Variants in NCOA1 observed in about 807,000 individuals in gnomAD.
NCOA1 encodes Hin-2 protein.
Under a neutral mutation model 150.9 loss-of-function variants are expected in NCOA1, and 35 were observed. The ratio of observed to expected loss-of-function variants is 0.23; its 90% CI spans 0.18 to 0.31. NCOA1 has a LOEUF of 0.31. Among genes scored for constraint, NCOA1 ranks in the 10% least tolerant of loss-of-function variants. The pLI, the probability that NCOA1 is intolerant of heterozygous loss-of-function variation, is 1.00. For synonymous variants in NCOA1, 590 were observed against 630.0 expected (o/e 0.94, Z 0.95); for missense variants, 1,491 against 1,749.3 (o/e 0.85, Z 2.63).
At chr2:24,717,953 A>T (rs115485288) in intron 14 of NCOA1, among the ~76,000 whole-genome samples, 1 of 150,778 alleles carries the variant, frequency 6.6e-6, no homozygotes, top group South Asian at 2.1e-4. Flanking sequence ...CTGGAGTGCA[A>T]TGGCATGATT....
chr2:24,761,870 G>C (rs750847893), intron 21 of NCOA1, among the ~76,000 whole-genome samples: 3 of 152,194 alleles, frequency 2.0e-5, no homozygotes, highest in Non-Finnish European at 4.4e-5. Context: ...CATGAATTAC[G>C]ATGTTTTCCA....
rs1662967975 is a variant in NCOA1, at chr2:24,491,720, T to TTTCTCCCGCTCCATCC, written c.-396+120_-396+135dup. The stretch of plus-strand genomic sequence containing the variant: ...GGCGCCCCTCCGCCCCCTGCTCTCC[T>TTTCTCCCGCTCCATCC]TTCTCCCGCTCCATCCTCCTCCCAC... On this transcript the variant is annotated intron_variant, in intron 1 of 22. Transcript: ENST00000348332. Among the ~76,000 whole-genome samples the TTTCTCCCGCTCCATCC allele has an allele frequency of 2.7e-5, 4 of 150,892 alleles. No individual in the cohort carries two copies. In the South Asian group the frequency reaches 8.3e-4, roughly 31 times the overall value.
At chr2:24,564,545 C>T (rs140371656) in intron 2 of NCOA1, 115 bp downstream of exon 2, 1 of 152,336 alleles carries the variant, frequency 6.6e-6, no homozygotes, top group African/African-American at 2.4e-5. Flanking sequence ...GAATGCTTAG[C>T]TCTTAGAGAA....
intron 18 of NCOA1, among the ~76,000 whole-genome samples, chr2:24,741,224 T>C (rs940379111): frequency 6.6e-6 from 1 of 152,028 alleles, no homozygotes; most frequent in Non-Finnish European, 1.5e-5. Context: ...AAAAGTATAA[T>C]GAAAATTAAA....
At chr2:24,582,634 C>T (rs1421355320) in intron 2 of NCOA1, among the ~76,000 whole-genome samples, 2 of 152,074 alleles carry the variant, frequency 1.3e-5, no homozygotes, top group Non-Finnish European at 2.9e-5. Flanking sequence ...CCACAGACGA[C>T]CCCAAATAGG....
At chr2:24,520,242 C>T (rs1189166634) in intron 1 of NCOA1, among the ~76,000 whole-genome samples, 2 of 152,106 alleles carry the variant, frequency 1.3e-5, no homozygotes, top group Non-Finnish European at 2.9e-5. Flanking sequence ...CCATTCTACT[C>T]TTAAGCAATT....
chr2:24,588,772 GTTAATC>G (rs1486086628), intron 3 of NCOA1, among the ~76,000 whole-genome samples: 2 of 152,132 alleles, frequency 1.3e-5, no homozygotes, highest in African/African-American at 4.8e-5. Context: ...AATGTCCACT[GTTAATC>G]TTAAGGTGAT....
intron 1 of NCOA1, among the ~76,000 whole-genome samples, chr2:24,500,433 C>T (rs375563258): frequency 7.9e-5 from 12 of 152,268 alleles, no homozygotes; most frequent in African/African-American, 1.7e-4. Flanking sequence ...TTAAATTATC[C>T]GCAAAATGGA....
intron 2 of NCOA1, among the ~76,000 whole-genome samples, chr2:24,581,803 A>G (rs905745733): frequency 1.3e-5 from 2 of 152,208 alleles, no homozygotes; most frequent in African/African-American, 4.8e-5. Flanking sequence ...ATGGTTCAAC[A>G]TATGCAAATC....
At chr2:24,650,542 C>A (rs1670667440) in intron 4 of NCOA1, among the ~76,000 whole-genome samples, 1 of 151,990 alleles carries the variant, frequency 6.6e-6, no homozygotes, top group African/African-American at 2.4e-5. Flanking sequence ...GGTCTAATAC[C>A]CCGAATGTAA....
At chr2:24,739,410 T>G (rs1179703145) in intron 17 of NCOA1, 22 bp from the exon 18 acceptor site, 1 of 1,528,126 alleles carries the variant, frequency 6.5e-7, no homozygotes, top group Admixed American at 1.7e-5. Context: ...AAATATATCT[T>G]ATTGTTTCCA....
intron 7 of NCOA1, among the ~76,000 whole-genome samples, chr2:24,677,814 A>G (rs1671987457): frequency 6.6e-6 from 1 of 152,180 alleles, no homozygotes; most frequent in African/African-American, 2.4e-5. Flanking sequence ...AGAAGCAAGT[A>G]TGTTCTTCAC....
chr2:24,592,578 ATTTTTT>A (rs145333073), intron 3 of NCOA1, among the ~76,000 whole-genome samples: 20,668 of 103,932 alleles, frequency 0.2, 1,439 homozygotes, highest in Non-Finnish European at 0.25. Context: ...TCCCCTCCTA[ATTTTTT>A]TTTTTTTTTT....
At chr2:24,558,845 T>C (rs1424335853) in intron 1 of NCOA1, among the ~76,000 whole-genome samples, 1 of 152,152 alleles carries the variant, frequency 6.6e-6, no homozygotes, top group African/African-American at 2.4e-5. Flanking sequence ...TGTGATCTGA[T>C]TGGATCCTGT....
chr2:24,578,555 C>T (rs749257534), intron 2 of NCOA1, among the ~76,000 whole-genome samples: 9 of 152,226 alleles, frequency 5.9e-5, no homozygotes, highest in East Asian at 1.9e-4. Context: ...TGCCCATTAG[C>T]TCTTAAGGAA....
chr2:24,544,212 T>G (rs921295045), intron 1 of NCOA1, among the ~76,000 whole-genome samples: 2 of 151,966 alleles, frequency 1.3e-5, no homozygotes, highest in African/African-American at 4.8e-5. Context: ...AGGAGAAGAT[T>G]AGGGAAGGAT....
At chr2:24,597,340 T>C (rs1034353967) in intron 3 of NCOA1, among the ~76,000 whole-genome samples, 1 of 152,176 alleles carries the variant, frequency 6.6e-6, no homozygotes, top group Admixed American at 6.5e-5. Flanking sequence ...ACAGCAGACA[T>C]GCAAATATTT....
At chr2:24,684,113 G>A (rs1310767884) in intron 8 of NCOA1, among the ~76,000 whole-genome samples, 2 of 152,136 alleles carry the variant, frequency 1.3e-5, no homozygotes, top group Non-Finnish European at 2.9e-5. Context: ...AACAATGTAA[G>A]ATTCCCCTGA....
At chr2:24,601,527 C>T (rs1347489830) in intron 3 of NCOA1, among the ~76,000 whole-genome samples, 1 of 151,966 alleles carries the variant, frequency 6.6e-6, no homozygotes, top group Non-Finnish European at 1.5e-5. Flanking sequence ...ATCCATAACA[C>T]CTTAATGCCA....
Sources: gnomAD v4.1 joint callset for allele counts (sites outside exome capture counted in the v4.1 genomes callset) on GRCh38, gnomAD v4.1.1 for gene constraint, MANE v1.5 for transcripts, NCBI Gene and HGNC (gene_info 2026-07-23, HGNC 2026-07-21) for gene names.